LARP4B: variants seen among roughly 807,000 people sequenced by gnomAD.
The protein encoded by LARP4B is la-related protein 4B.
In LARP4B, 12 loss-of-function variants were observed where a neutral mutation model predicts 89.8. The observed-to-expected ratio is 0.13, with a 90% CI of 0.09 to 0.22. The LOEUF is 0.22. Ranked by LOEUF, LARP4B falls within the 10% of genes least tolerant of loss-of-function variation. The pLI is 1.00. For synonymous variants in LARP4B, 367 were observed against 363.3 expected, an observed-to-expected ratio of 1.01 and a Z score of -0.12; for missense variants, 757 against 947.7, an observed-to-expected ratio of 0.80 and a Z score of 2.64.
chr10:905,055 C>T (rs542872196), intron 1 of LARP4B, among the ~76,000 whole-genome samples: 4 of 152,316 alleles, frequency 2.6e-5, no homozygotes, highest in East Asian at 1.9e-4. Flanking sequence ...TGTTTAGACT[C>T]GGATCCCATC....
intron 1 of LARP4B, among the ~76,000 whole-genome samples, chr10:914,929 T>G (rs1836779566): frequency 6.6e-6 from 1 of 152,070 alleles, no homozygotes; most frequent in Non-Finnish European, 1.5e-5. Flanking sequence ...AAATTGTGTG[T>G]AATCAAGCTT....
intron 1 of LARP4B, among the ~76,000 whole-genome samples, chr10:902,303 T>C (rs1836365742): frequency 6.6e-6 from 1 of 152,228 alleles, no homozygotes; most frequent in African/African-American, 2.4e-5. Context: ...CAGAACATTG[T>C]TTTGCACAAG....
chr10:922,887 A>C (rs1837022946), intron 1 of LARP4B, among the ~76,000 whole-genome samples: 1 of 152,128 alleles, frequency 6.6e-6, no homozygotes, highest in African/African-American at 2.4e-5. Flanking sequence ...ATCCTGGCTA[A>C]CATGGTGAAA....
At chr10:943,155 C>G in the LARP4B span, among the ~76,000 whole-genome samples, 1 of 152,090 alleles carries the variant, frequency 6.6e-6, no homozygotes, top group African/African-American at 2.4e-5. Flanking sequence ...TCATGTTGCC[C>G]AGGTTGGTCT....
chr10:863,606 A>G (rs912945922), intron 5 of LARP4B, 137 bp downstream of exon 5: 7 of 957,902 alleles, frequency 7.3e-6, no homozygotes, highest in Admixed American at 2.7e-5. Flanking sequence ...CTGCATCCAC[A>G]TAAGGGTGAG....
intron 5 of LARP4B, among the ~76,000 whole-genome samples, chr10:861,947 C>A (rs1455106805): frequency 1.3e-5 from 2 of 152,128 alleles, no homozygotes; most frequent in African/African-American, 4.8e-5. Context: ...ATGAGCATTC[C>A]TTTCCTTTGC....
intron 5 of LARP4B, among the ~76,000 whole-genome samples, chr10:859,511 C>T (rs567950779): frequency 1.2e-4 from 18 of 152,272 alleles, no homozygotes; most frequent in Non-Finnish European, 1.9e-4. Flanking sequence ...TATGATCCAG[C>T]AATCACACTC....
chr10:902,848 T>C (rs1474990701), intron 1 of LARP4B, among the ~76,000 whole-genome samples: 3 of 152,110 alleles, frequency 2.0e-5, no homozygotes, highest in Non-Finnish European at 2.9e-5. Flanking sequence ...TTTCACCATA[T>C]TGGCCAGGCT....
chr10:824,494 A>AAAAC (rs149582198), intron 13 of LARP4B, among the ~76,000 whole-genome samples: 1,810 of 151,992 alleles, frequency 0.012, 13 homozygotes, highest in Middle Eastern at 0.041. Flanking sequence ...CCCTGTCTTA[A>AAAAC]AAACAAACAA....
chr10:934,865 T>A (rs1371014139), upstream of LARP4B, among the ~76,000 whole-genome samples: 1 of 152,220 alleles, frequency 6.6e-6, no homozygotes, highest in African/African-American at 2.4e-5. Context: ...GCTCACCTGG[T>A]TTGATTCAGT....
chr10:875,358 T>A (rs920231623), intron 3 of LARP4B, among the ~76,000 whole-genome samples: 16 of 152,094 alleles, frequency 1.1e-4, no homozygotes, highest in Non-Finnish European at 8.8e-5. Context: ...AATCTCAGAG[T>A]CCCACTTCAA....
intron 4 of LARP4B, 66 bp downstream of exon 4, chr10:864,057 T>C (rs1834765349): frequency 1.2e-6 from 2 of 1,600,494 alleles, no homozygotes; most frequent in African/African-American, 1.3e-5. Context: ...AAAGACAGAT[T>C]AAAATGGCAA....
intron 8 of LARP4B, among the ~76,000 whole-genome samples, chr10:835,344 C>G (rs920863340): frequency 1.3e-5 from 2 of 152,158 alleles, no homozygotes; most frequent in African/African-American, 4.8e-5. Context: ...ACTGAAAAGC[C>G]TGAACCGCAA....
chr10:900,618 C>CT (rs907868624), intron 1 of LARP4B, among the ~76,000 whole-genome samples: 2,474 of 118,972 alleles, frequency 0.021, 96 homozygotes, highest in African/African-American at 0.069. Flanking sequence ...GATATATTTC[C>CT]TTTTTTTTTT....
At chr10:826,340 C>A (rs945437033) in intron 11 of LARP4B, among the ~76,000 whole-genome samples, 1 of 152,224 alleles carries the variant, frequency 6.6e-6, no homozygotes, top group African/African-American at 2.4e-5. Flanking sequence ...GGGCCTTTAC[C>A]TTTACCCCGA....
chr10:893,123 A>G (rs552026651), intron 1 of LARP4B, among the ~76,000 whole-genome samples: 4 of 148,206 alleles, frequency 2.7e-5, no homozygotes, highest in Non-Finnish European at 6.0e-5. Flanking sequence ...CATGTTGGTC[A>G]GGCTGGTCTT....
At chr10:897,174 CCAGA>C (rs1268812190) in intron 1 of LARP4B, among the ~76,000 whole-genome samples, 2 of 152,162 alleles carry the variant, frequency 1.3e-5, no homozygotes, top group African/African-American at 4.8e-5. Context: ...CTGGCATAGA[CCAGA>C]CAAACAGATC....
intron 3 of LARP4B, among the ~76,000 whole-genome samples, chr10:881,481 C>T (rs939862354): frequency 1.3e-5 from 2 of 152,186 alleles, no homozygotes; most frequent in Non-Finnish European, 2.9e-5. Context: ...TCTATCTCCA[C>T]CCCACACTGT....
intron 3 of LARP4B, among the ~76,000 whole-genome samples, chr10:867,101 C>T (rs1320705166): frequency 6.6e-6 from 1 of 152,180 alleles, no homozygotes; most frequent in Admixed American, 6.5e-5. Context: ...AGGACTCTAC[C>T]CTTAACCAAT....
Sources: allele counts gnomAD v4.1 joint callset (sites outside exome capture counted in the v4.1 genomes callset), GRCh38; gene constraint gnomAD v4.1.1; transcripts MANE v1.5; gene names NCBI Gene and HGNC (gene_info 2026-07-23, HGNC 2026-07-21).